CMIP: variants seen among roughly 807,000 people sequenced by gnomAD.
CMIP encodes C-Maf-inducing protein.
A neutral mutation model predicts 97.3 loss-of-function variants in CMIP; 13 were observed. The ratio of observed to expected loss-of-function variants is 0.13; its 90% CI spans 0.09 to 0.21. CMIP has a LOEUF of 0.21. CMIP is among the 10% of genes least tolerant of loss of function. The pLI, the probability that CMIP is intolerant of heterozygous loss-of-function variation, is 1.00. For missense variants in CMIP, 847 were observed against 1,024.9 expected (o/e 0.83, Z 2.37); for synonymous variants, 538 against 436.3 (o/e 1.23, Z -2.91).
chr16:81,671,136 A>G (rs952855094), intron 8 of CMIP, among the ~76,000 whole-genome samples: 1 of 152,126 alleles, frequency 6.6e-6, no homozygotes, highest in East Asian at 1.9e-4. Context: ...GACTCTTCTC[A>G]TGTTTTAAGA....
chr16:81,572,925 G>T (rs771917001), intron 1 of CMIP, among the ~76,000 whole-genome samples: 3 of 152,184 alleles, frequency 2.0e-5, no homozygotes, highest in Non-Finnish European at 4.4e-5. Context: ...ATTGGTCCCT[G>T]CCTCACATCC....
chr16:81,651,662 C>T (rs2092430183), intron 3 of CMIP, among the ~76,000 whole-genome samples: 1 of 152,212 alleles, frequency 6.6e-6, no homozygotes, highest in Admixed American at 6.5e-5. Flanking sequence ...CATTCCCACT[C>T]TTACTGCGCT....
intron 3 of CMIP, chr16:81,632,132 C>T (rs2092170130): frequency 6.6e-6 from 1 of 152,222 alleles, no homozygotes; most frequent in Non-Finnish European, 1.5e-5. Context: ...ACCTGAGTAA[C>T]CACCACCTGG....
intron 1 of CMIP, among the ~76,000 whole-genome samples, chr16:81,587,737 C>A (rs2091405498): frequency 6.6e-6 from 1 of 152,212 alleles, no homozygotes; most frequent in Admixed American, 6.5e-5. Flanking sequence ...TCTCTCCCTC[C>A]TCCCCTGACT....
In CMIP at chr16:81,701,697, A is replaced by G. The variant is rs1302303640; in HGVS notation, c.1793A>G (p.Asn598Ser). Residue 598 changes from asparagine to serine, a missense_variant, in exon 16 of 21, where the codon AAC (asparagine) becomes AGC (serine). Asn to Ser is a conservative substitution (Grantham distance 46, BLOSUM62 1). Coordinates refer to ENST00000537098, the MANE Select transcript of CMIP (RefSeq NM_198390.3). ...CLMLEYNIIDNNDTQLQIIST... is the reference protein window; with the variant it reads ...CLMLEYNIIDSNDTQLQIIST... The stretch of plus-strand genomic sequence containing the variant: ...ATGCTGGAATACAACATCATCGACA[A>G]CAACGACACCCAACTGCAGATCATC... 1.9e-6 allele frequency: 3 copies of G among 1,613,964 alleles called. No homozygotes were observed. Among genetic ancestry groups the G allele is most frequent in the Non-Finnish European group, 1.7e-6 (2 of 1,179,888 alleles).
chr16:81,567,236 G>T (rs2090998957), intron 1 of CMIP, among the ~76,000 whole-genome samples: 1 of 152,266 alleles, frequency 6.6e-6, no homozygotes, highest in African/African-American at 2.4e-5. Flanking sequence ...CCGCACCACG[G>T]GAGCTTGTGC....
chr16:81,457,016 G>A (rs189501629), intron 1 of CMIP, among the ~76,000 whole-genome samples: 52 of 152,276 alleles, frequency 3.4e-4, no homozygotes, highest in South Asian at 2.5e-3. Flanking sequence ...CCTGCAGAGC[G>A]CTCTGTCACA....
At chr16:81,619,008 G>C (rs1290088143) in intron 2 of CMIP, 1 of 152,326 alleles carries the variant, frequency 6.6e-6, no homozygotes, top group Non-Finnish European at 1.5e-5. Flanking sequence ...CCAGGGGGCT[G>C]TTTCTCCTCC....
chr16:81,658,312 T>A (rs1017832090), intron 5 of CMIP, among the ~76,000 whole-genome samples: 1 of 152,242 alleles, frequency 6.6e-6, no homozygotes, highest in Admixed American at 6.5e-5. Context: ...TGAATGACTT[T>A]TAGCTACGAA....
intron 1 of CMIP, among the ~76,000 whole-genome samples, chr16:81,549,939 T>C (rs895249625): frequency 1.3e-5 from 2 of 152,252 alleles, no homozygotes; most frequent in Non-Finnish European, 2.9e-5. Context: ...CATTTGTGTG[T>C]GTGTGTATGT....
At chr16:81,676,636 G>A (rs758822105) in intron 9 of CMIP, among the ~76,000 whole-genome samples, 1 of 152,168 alleles carries the variant, frequency 6.6e-6, no homozygotes, top group Non-Finnish European at 1.5e-5. Context: ...GACTTTAGCC[G>A]ATGGATTGTT....
intron 3 of CMIP, among the ~76,000 whole-genome samples, chr16:81,628,457 C>T (rs1030434687): frequency 6.6e-6 from 1 of 152,254 alleles, no homozygotes; most frequent in African/African-American, 2.4e-5. Flanking sequence ...CTCACTTACT[C>T]ACCTTGGTGA....
chr16:81,610,181 A>G, intron 2 of CMIP: 1 of 305,316 alleles, frequency 3.3e-6, no homozygotes, highest in Non-Finnish European at 4.8e-6. Flanking sequence ...ATGGAGGGGC[A>G]GTGAGGCTGA....
Position 81,640,289 on chromosome 16 carries a change from C to T in CMIP, c.478-11914C>T, listed in dbSNP as rs895981810. ...CAAGAGCAGGATAGGACATCAGGCC[C>T]CCCCCCCCCCAATTCCCCAGGGAAA... is the stretch of plus-strand genomic sequence containing the variant. On this transcript the variant is annotated intron_variant, in intron 3 of 20. Coordinates refer to ENST00000537098, the MANE Select transcript of CMIP (RefSeq NM_198390.3). Among the ~76,000 whole-genome samples the T allele has an allele frequency of 5.2e-5, 7 of 134,130 alleles. No individual in the cohort carries two copies. In the South Asian group the frequency reaches 7.1e-4, roughly 14 times the overall value. 88.0% of individuals were successfully genotyped at this position (134,130 alleles called of 152,430 possible). A position where few individuals can be genotyped will look rare whatever the true frequency, so the allele number is the denominator to read the frequency against.
intron 1 of CMIP, among the ~76,000 whole-genome samples, chr16:81,576,897 G>T (rs1030235871): frequency 2.6e-5 from 4 of 152,066 alleles, no homozygotes; most frequent in Non-Finnish European, 2.9e-5. Context: ...CTTGGTCGTA[G>T]TGGAGGCTGC....
At chr16:81,470,979 C>G (rs1282243530) in intron 1 of CMIP, among the ~76,000 whole-genome samples, 1 of 152,140 alleles carries the variant, frequency 6.6e-6, no homozygotes, top group Non-Finnish European at 1.5e-5. Context: ...CACACAGGCA[C>G]AAACGTGCAT....
rs964800708 is a variant in CMIP at position 81,614,159 on chromosome 16, C to T, written c.426+6467C>T. On this transcript the variant is annotated intron_variant, in intron 2 of 20. Coordinates refer to ENST00000537098, the MANE Select transcript of CMIP (RefSeq NM_198390.3). This position sits in a 1 kb window ranked among gnomAD's most constrained non-coding sequence, Gnocchi z 5.3. The stretch of plus-strand genomic sequence containing the variant: ...ACCTGAAGTGTAAGTAGGAGTCCAG[C>T]GGGCAGCGGAGAGAAGGGGGTGACA... 6.6e-6 allele frequency among the ~76,000 whole-genome samples: 1 copy of T among 152,030 alleles called. No homozygotes were observed. The highest frequency in any genetic ancestry group is 1.5e-5 in the Non-Finnish European group (1 of 67,998).
intron 1 of CMIP, among the ~76,000 whole-genome samples, chr16:81,556,315 A>G (rs1032161151): frequency 1.3e-5 from 2 of 152,136 alleles, no homozygotes; most frequent in African/African-American, 2.4e-5. Flanking sequence ...CCTTTTGGCT[A>G]CTTAGAGTAA....
chr16:81,693,690 C>T (rs534656093), intron 13 of CMIP, among the ~76,000 whole-genome samples: 3 of 152,182 alleles, frequency 2.0e-5, no homozygotes, highest in Admixed American at 6.5e-5. Context: ...GCCGGCTCAC[C>T]GGGGGTGGTT....
Sources: allele counts gnomAD v4.1 joint callset (sites outside exome capture counted in the v4.1 genomes callset), GRCh38; gene constraint gnomAD v4.1.1; non-coding constraint Gnocchi (gnomAD v3.1); transcripts MANE v1.5; gene names NCBI Gene and HGNC (gene_info 2026-07-23, HGNC 2026-07-21).